The following EPS8 variants were observed in gnomAD, a reference collection of about 807,000 sequenced individuals.
EPS8 encodes epidermal growth factor receptor kinase substrate 8.
In EPS8, 42 loss-of-function variants were observed where a neutral mutation model predicts 103.8. The ratio of observed to expected loss-of-function variants is 0.40; its 90% confidence interval spans 0.32 to 0.52. EPS8 has a LOEUF of 0.52. Ranked by LOEUF, EPS8 falls within the 20% of genes least tolerant of loss-of-function variation. The probability of loss-of-function intolerance (pLI) is 0.40; values close to 1 mark genes in which losing one functional copy is unlikely to be tolerated. For synonymous variants in EPS8, 344 were observed against 344.6 expected (o/e 1.00, Z 0.02); for missense variants, 969 against 1,005.1 (o/e 0.96, Z 0.49).
rs1947244028 is a variant in EPS8, at chr12:15,780,038, T to C, written c.-22+9123A>G. On this transcript the variant is annotated intron_variant, in intron 1 of 20. Coordinates refer to ENST00000281172, the MANE Select transcript of EPS8 (RefSeq NM_004447.6). The surrounding 1 kb of genome is among the most constrained non-coding windows in gnomAD (Gnocchi z 4.1). ...GTTCTCTTTCTTAAATTCCATATAA[T>C]CACTTGAGTATCACAGGACTGAAAA... 1 of 152,188 alleles carries C rather than the reference T, an allele frequency of 6.6e-6. No individual in the cohort carries two copies. Among genetic ancestry groups the C allele is most frequent in the Admixed American group, 6.5e-5 (1 of 15,270 alleles). The allele number at this position is 152,188 out of a possible 1,614,324, so 9.4% of individuals were successfully genotyped here.
intron 14 of EPS8, among the ~76,000 whole-genome samples, chr12:15,647,690 C>A (rs2135777245): frequency 6.6e-6 from 1 of 152,320 alleles, no homozygotes; most frequent in East Asian, 1.9e-4. Context: ...CTAAACTGAT[C>A]TTGACAGTCA....
At chr12:15,655,951 C>T (rs1011186758) in intron 12 of EPS8, among the ~76,000 whole-genome samples, 4 of 152,096 alleles carry the variant, frequency 2.6e-5, no homozygotes, top group East Asian at 3.9e-4. Context: ...AATGGACCAG[C>T]AAAATATTAT....
rs35885542 is a variant in EPS8, at chr12:15,623,289, TAA to T, written c.2226-4_2226-3del. ...AATACTCCAAGACTATTGACAGTCC[TAA>T]AAAAAAAAAAAGGAAAAAGAAACTG... is the stretch of plus-strand genomic sequence containing the variant. On this transcript the variant is annotated splice_region_variant and splice_polypyrimidine_tract_variant and intron_variant, in intron 19 of 20. Transcript: ENST00000281172. The T allele has an allele frequency of 3.4e-3, 4,339 of 1,289,940 alleles. No homozygotes were observed. Among genetic ancestry groups the T allele is most frequent in the South Asian group, 8.0e-3 (566 of 70,512 alleles). The allele number at this position is 1,289,940 out of a possible 1,614,324, so 79.9% of individuals were successfully genotyped here.
At chr12:15,712,897 T>C (rs1252083344) in intron 1 of EPS8, 2 of 985,020 alleles carry the variant, frequency 2.0e-6, no homozygotes, top group Non-Finnish European at 2.4e-6. Context: ...GTCCAGGCAA[T>C]ATTGAGAGGC....
chr12:15,786,446 T>C (rs1414129114), intron 1 of EPS8, among the ~76,000 whole-genome samples: 1 of 152,006 alleles, frequency 6.6e-6, no homozygotes, highest in Admixed American at 6.6e-5. Flanking sequence ...TTTAGTGGTG[T>C]CCTGGATGGT....
At position 15,717,452 on chromosome 12, in the gene EPS8, T is replaced by C. The variant is rs999749925; in HGVS notation, c.-21-34480A>G. On this transcript the variant is annotated intron_variant, in intron 1 of 20. Coordinates refer to ENST00000281172, the MANE Select transcript of EPS8 (RefSeq NM_004447.6). The surrounding 1 kb of genome is among the most constrained non-coding windows in gnomAD (Gnocchi z 4.3). Reference sequence around the variant, plus strand: ...AAATACAAAAATTAGCTGGGCGCGGTGGCACGTGCCTGTAATCCCAGCTAC... The same window carrying C: ...AAATACAAAAATTAGCTGGGCGCGGCGGCACGTGCCTGTAATCCCAGCTAC... Among the ~76,000 whole-genome samples the C allele has an allele frequency of 2.0e-5, 3 of 152,118 alleles. No individual in the cohort carries two copies. The highest frequency in any genetic ancestry group is 7.2e-5 in the African/African-American group (3 of 41,414).
intron 17 of EPS8, among the ~76,000 whole-genome samples, chr12:15,638,370 T>C (rs533723651): frequency 2.0e-5 from 3 of 152,272 alleles, no homozygotes; most frequent in East Asian, 3.9e-4. Flanking sequence ...ACTGTGAAGC[T>C]TGCTTATTAA....
At chr12:15,660,277 CTT>C (rs758054887) in intron 10 of EPS8, among the ~76,000 whole-genome samples, 53 of 141,076 alleles carry the variant, frequency 3.8e-4, no homozygotes, top group Middle Eastern at 3.6e-3. Context: ...TACCAGAGTT[CTT>C]TTTTTTTTTT....
rs1448800430 is a variant in EPS8 at position 15,698,409 on chromosome 12, C to T, written c.-21-15437G>A. Among the ~76,000 whole-genome samples, 3 of 152,262 alleles carry T rather than the reference C, an allele frequency of 2.0e-5. No individual in the cohort carries two copies. In the East Asian group the frequency reaches 5.8e-4, roughly 29 times the overall value. ...AAAAGAACAAGCAGTGTCAACTAGA[C>T]TCCCCAACCCCCGCTCTTTAAGTTA... On this transcript the variant is annotated intron_variant, in intron 1 of 20. Transcript: ENST00000281172. This position sits in a 1 kb window ranked among gnomAD's most constrained non-coding sequence, Gnocchi z 4.9.
Position 15,740,564 on chromosome 12 carries a change from A to AAAATAAAT in EPS8, c.-22+48589_-22+48596dup, listed in dbSNP as rs60477147. Among the ~76,000 whole-genome samples the AAAATAAAT allele has an allele frequency of 1.6e-3, 235 of 149,506 alleles. 1 individual carries two copies. Among genetic ancestry groups the AAAATAAAT allele is most frequent in the Non-Finnish European group, 2.3e-3 (156 of 67,340 alleles). On this transcript the variant is annotated intron_variant, in intron 1 of 20. Coordinates refer to ENST00000281172, the MANE Select transcript of EPS8 (RefSeq NM_004447.6). The stretch of plus-strand genomic sequence containing the variant: ...CATCTAGAAAAAATAAAAAATAATA[A>AAAATAAAT]AAATAAATAAATAAATAAATAAATA...
rs548930221 is a variant in EPS8 at position 15,714,350 on chromosome 12, T to A, written c.-21-31378A>T. ...AAACCAAATTATATTTGAATAAAGA[T>A]ATGGCACAGGCTGGGTACAGTGGCT... On this transcript the variant is annotated intron_variant, in intron 1 of 20. Transcript: ENST00000281172. The surrounding 1 kb of genome is among the most constrained non-coding windows in gnomAD (Gnocchi z 4.1). Among the ~76,000 whole-genome samples, 3 of 152,280 alleles carry A rather than the reference T, an allele frequency of 2.0e-5. No homozygotes were observed. The highest frequency in any genetic ancestry group is 7.2e-5 in the African/African-American group (3 of 41,554).
intron 1 of EPS8, among the ~76,000 whole-genome samples, chr12:15,788,765 C>A (rs1947336151): frequency 6.6e-6 from 1 of 152,206 alleles, no homozygotes; most frequent in Non-Finnish European, 1.5e-5. Context: ...GGCAGAGCAG[C>A]GCACAAATCC....
At chr12:15,755,096 C>G (rs917579930) in intron 1 of EPS8, among the ~76,000 whole-genome samples, 3 of 152,180 alleles carry the variant, frequency 2.0e-5, no homozygotes, top group Non-Finnish European at 4.4e-5. Context: ...AAGCTGAATA[C>G]AGATTACATC....
Position 15,701,253 on chromosome 12 carries a change from A to C in EPS8, c.-21-18281T>G, listed in dbSNP as rs576838022. ...TTGTTGTAAGTTCTTTGCATGCATT[A>C]ATTCAATTGATAAGCATAACTCTAA... is the stretch of plus-strand genomic sequence containing the variant. On this transcript the variant is annotated intron_variant, in intron 1 of 20. Coordinates refer to ENST00000281172, the MANE Select transcript of EPS8 (RefSeq NM_004447.6). This position sits in a 1 kb window ranked among gnomAD's most constrained non-coding sequence, Gnocchi z 5.1. 6.6e-6 allele frequency among the ~76,000 whole-genome samples: 1 copy of C among 152,358 alleles called. No homozygotes were observed. Among genetic ancestry groups the C allele is most frequent in the East Asian group, 1.9e-4 (1 of 5,188 alleles).
Position 15,647,279 on chromosome 12 carries a change from C to T in EPS8, c.1435-19G>A. 1 of 1,604,012 alleles carries T rather than the reference C, an allele frequency of 6.2e-7. No individual in the cohort carries two copies. Among genetic ancestry groups the T allele is most frequent in the Non-Finnish European group, 8.5e-7 (1 of 1,175,006 alleles). ...TGGAATGCTGAAAGACAAAGTGGGG[C>T]AGATTAAAGAATCACCAAATACTAT... On this transcript the variant is annotated intron_variant, in intron 14 of 20. Transcript: ENST00000281172.
rs944357609 is a variant in EPS8, at chr12:15,714,448, C to A, written c.-21-31476G>T. 6.6e-6 allele frequency among the ~76,000 whole-genome samples: 1 copy of A among 152,090 alleles called. No individual in the cohort carries two copies. The highest frequency in any genetic ancestry group is 6.6e-5 in the Admixed American group (1 of 15,266). ...CTTGAGTCCAGGAAGTCAAGAGCAG[C>A]CTGGGCAACATACCAAGACCCCATC... On this transcript the variant is annotated intron_variant, in intron 1 of 20. Coordinates refer to ENST00000281172, the MANE Select transcript of EPS8 (RefSeq NM_004447.6). This position sits in a 1 kb window ranked among gnomAD's most constrained non-coding sequence, Gnocchi z 4.1.
In EPS8 at chr12:15,731,448, C is replaced by A. The variant is rs1164495214; in HGVS notation, c.-21-48476G>T. Among the ~76,000 whole-genome samples, 1 of 152,146 alleles carries A rather than the reference C, an allele frequency of 6.6e-6. No homozygotes were observed. Among genetic ancestry groups the A allele is most frequent in the African/African-American group, 2.4e-5 (1 of 41,420 alleles). ...CAAAAGCTGGGATTACAGGTGCCTGCCACCACGCCTGGCTAATTTTTGTAT... is the reference window on the plus strand; with the variant it reads ...CAAAAGCTGGGATTACAGGTGCCTGACACCACGCCTGGCTAATTTTTGTAT... On this transcript the variant is annotated intron_variant, in intron 1 of 20. Coordinates refer to ENST00000281172, the MANE Select transcript of EPS8 (RefSeq NM_004447.6). The surrounding 1 kb of genome is among the most constrained non-coding windows in gnomAD (Gnocchi z 5.1).
rs973192529 is a variant in EPS8, at chr12:15,764,042, T to C, written c.-22+25119A>G. Among the ~76,000 whole-genome samples the C allele has an allele frequency of 6.6e-6, 1 of 152,182 alleles. No homozygotes were observed. The highest frequency in any genetic ancestry group is 2.4e-5 in the African/African-American group (1 of 41,440). ...TAATAATAGACATACCTGAGACTAA[T>C]TTATAAAGGAAAAGAGGTTTAATGG... On this transcript the variant is annotated intron_variant, in intron 1 of 20. Coordinates refer to ENST00000281172, the MANE Select transcript of EPS8 (RefSeq NM_004447.6). The surrounding 1 kb of genome is among the most constrained non-coding windows in gnomAD (Gnocchi z 4.1).
intron 1 of EPS8, among the ~76,000 whole-genome samples, chr12:15,743,251 T>C (rs1946843204): frequency 6.6e-6 from 1 of 151,930 alleles, no homozygotes; most frequent in Non-Finnish European, 1.5e-5. Flanking sequence ...CACTACTCAA[T>C]GAAATAAAAG....
Sources: allele counts gnomAD v4.1 joint callset (sites outside exome capture counted in the v4.1 genomes callset), GRCh38; gene constraint gnomAD v4.1.1; non-coding constraint Gnocchi (gnomAD v3.1); transcripts MANE v1.5; gene names NCBI Gene and HGNC (gene_info 2026-07-23, HGNC 2026-07-21).